The following MGAM2 variants were observed in gnomAD, a reference collection of about 807,000 sequenced individuals.
MGAM2 encodes the protein maltase-glucoamylase 2 (putative), also known as probable maltase-glucoamylase 2.
MGAM2 carries 98 observed loss-of-function variants against 96.1 expected under a neutral mutation model. That is an observed-to-expected ratio of 1.02 (90% CI 0.87 to 1.21). The LOEUF is 1.21. Among genes scored for constraint, MGAM2 ranks in the 50% most tolerant of loss-of-function variants. MGAM2 has a pLI of 0.00. For synonymous variants in MGAM2, 749 were observed against 414.8 expected (o/e 1.81, Z -9.79); for missense variants, 2,055 against 1,182.4 (o/e 1.74, Z -10.82).
intron 23 of MGAM2, 36 bp from the exon 24 acceptor site, chr7:142,164,820 C>T: frequency 1.5e-6 from 1 of 658,778 alleles, no homozygotes; most frequent in Non-Finnish European, 2.7e-6. Flanking sequence ...GTCTGAAGTA[C>T]CTGGTTTCCA....
intron 27 of MGAM2, 115 bp from the exon 28 acceptor site, chr7:142,171,157 G>T: frequency 1.4e-6 from 1 of 694,752 alleles, no homozygotes; most frequent in Non-Finnish European, 2.6e-6. Context: ...TTTGAACCTG[G>T]ATCTAAATGT....
At chr7:142,151,796 A>G (rs780590652) in intron 15 of MGAM2, among the ~76,000 whole-genome samples, 3 of 151,994 alleles carry the variant, frequency 2.0e-5, no homozygotes, top group Non-Finnish European at 4.4e-5. Flanking sequence ...GTGTCTTTCT[A>G]ATTTCTCTGG....
chr7:142,198,142 A>G lies in MGAM2; in HGVS notation c.4870A>G (p.Thr1624Ala), dbSNP rs1273249618. ...ILISPVLETS[T>A]FEISAYFPRA... ...ACATGTCAATTTTATGTTTCAGAGCACATTTGAGATCTCTGCTTATTTTCC... is the reference window on the plus strand; with the variant it reads ...ACATGTCAATTTTATGTTTCAGAGCGCATTTGAGATCTCTGCTTATTTTCC... The change falls in exon 43 of 48, where the codon ACA becomes GCA. Residue 1624 changes from threonine (T) to alanine (A), a missense_variant. Transcript: ENST00000477922. The G allele has an allele frequency of 2.8e-6, 2 of 702,720 alleles. No individual in the cohort carries two copies. Among genetic ancestry groups the G allele is most frequent in the Non-Finnish European group, 5.2e-6 (2 of 384,814 alleles). 43.5% of individuals were successfully genotyped at this position (702,720 alleles called of 1,614,324 possible).
intron 31 of MGAM2, among the ~76,000 whole-genome samples, chr7:142,174,896 T>C (rs1343007099): frequency 6.6e-6 from 1 of 151,878 alleles, no homozygotes; most frequent in Admixed American, 6.6e-5. Context: ...TTTAAATATT[T>C]TTAGTAGGGA....
At position 142,198,718 on chromosome 7, in the gene MGAM2, C is replaced by T. The variant is rs747359455; in HGVS notation, c.5027C>T (p.Pro1676Leu). 17 of 704,124 alleles carry T rather than the reference C, an allele frequency of 2.4e-5. No individual in the cohort carries two copies. Among genetic ancestry groups the T allele is most frequent in the Non-Finnish European group, 3.6e-5 (14 of 384,992 alleles). 43.6% of individuals were successfully genotyped at this position (704,124 alleles called of 1,614,324 possible). A position where few individuals can be genotyped will look rare whatever the true frequency, so the allele number is the denominator to read the frequency against. The change falls in exon 44 of 48, where the codon CCT becomes CTT. Residue 1676 changes from proline to leucine, a missense_variant. Pro to Leu is a moderately conservative substitution (Grantham distance 98). Coordinates refer to ENST00000477922, the MANE Select transcript of MGAM2 (RefSeq NM_001293626.2). ...RGGYILPWQE[P>L]AMNTHSSRQN... ...GGCTACATCCTGCCCTGGCAAGAGC[C>T]TGCTATGAACACTCACTCCAGGTGA...
At chr7:142,129,825 CAAAAAAAAAAAAAAAAAAAAA>C (rs71166564) in intron 3 of MGAM2, among the ~76,000 whole-genome samples, 63 of 33,420 alleles carry the variant, frequency 1.9e-3, no homozygotes, top group South Asian at 3.4e-3. Flanking sequence ...AACTCTGTCT[CAAAAAAAAAAAAAAAAAAAAA>C]AAAAAAAAAA....
chr7:142,195,715 GCTCA>G (rs577843629), intron 37 of MGAM2, among the ~76,000 whole-genome samples: 94 of 152,074 alleles, frequency 6.2e-4, no homozygotes, highest in East Asian at 2.3e-3. Flanking sequence ...ATTTTGTCCA[GCTCA>G]CTATTTTCAG....
chr7:142,209,293 A>G (rs1349632589), intron 46 of MGAM2, among the ~76,000 whole-genome samples: 1 of 152,184 alleles, frequency 6.6e-6, no homozygotes, highest in African/African-American at 2.4e-5. Context: ...GAGTTGACTA[A>G]TTTCCCATTA....
intron 47 of MGAM2, 101 bp from the exon 48 acceptor site, chr7:142,219,769 T>C: frequency 1.6e-6 from 1 of 611,228 alleles, no homozygotes; most frequent in Non-Finnish European, 2.9e-6. Context: ...TGGAAAGGAA[T>C]GAATCCATCA....
chr7:142,126,687 A>G (rs1300865848), intron 3 of MGAM2, among the ~76,000 whole-genome samples: 2 of 151,960 alleles, frequency 1.3e-5, no homozygotes, highest in African/African-American at 4.8e-5. Context: ...CTCATTCTTT[A>G]TATCTGTTGT....
chr7:142,128,607 A>T (rs1314667720), intron 3 of MGAM2, among the ~76,000 whole-genome samples: 1 of 152,186 alleles, frequency 6.6e-6, no homozygotes, highest in Non-Finnish European at 1.5e-5. Context: ...AGCTCCAGAC[A>T]TGGCTAAAAG....
At chr7:142,186,492 G>A (rs1217434588) in intron 35 of MGAM2, among the ~76,000 whole-genome samples, 1 of 152,188 alleles carries the variant, frequency 6.6e-6, no homozygotes, top group Non-Finnish European at 1.5e-5. Flanking sequence ...AGTGGGTGAG[G>A]CATGGAGTTG....
chr7:142,135,885 A>G (rs1306676912), intron 7 of MGAM2, among the ~76,000 whole-genome samples: 1 of 152,160 alleles, frequency 6.6e-6, no homozygotes, highest in Non-Finnish European at 1.5e-5. Flanking sequence ...AAACATTAGA[A>G]AATACAACTA....
At chr7:142,213,205 C>A (rs1585224799) in intron 46 of MGAM2, among the ~76,000 whole-genome samples, 2 of 152,116 alleles carry the variant, frequency 1.3e-5, no homozygotes, top group East Asian at 3.9e-4. Context: ...ACTAAATGCC[C>A]ACAGGAGAAA....
Position 142,115,851 on chromosome 7 carries a change from T to TATAA in MGAM2, c.1-1005_1-1002dup, listed in dbSNP as rs561110016. On this transcript the variant is annotated intron_variant, in intron 1 of 47. Coordinates refer to ENST00000477922, the MANE Select transcript of MGAM2 (RefSeq NM_001293626.2). Reference sequence around the variant, plus strand: ...AAGAGTGAAACTCCATCTCAAAATATATAAATAAATAAATAAATAAAATAA... The same window carrying TATAA: ...AAGAGTGAAACTCCATCTCAAAATATATAAATAAATAAATAAATAAATAAAATAA... Among the ~76,000 whole-genome samples the TATAA allele has an allele frequency of 3.7e-3, 566 of 152,064 alleles. 4 individuals are homozygous for TATAA. The highest frequency in any genetic ancestry group is 0.013 in the African/African-American group (544 of 41,472).
intron 37 of MGAM2, among the ~76,000 whole-genome samples, chr7:142,191,948 A>T (rs375825532): frequency 6.6e-6 from 1 of 152,068 alleles, no homozygotes; most frequent in Non-Finnish European, 1.5e-5. Context: ...ATAAATATTT[A>T]TCTGTCCCTT....
intron 45 of MGAM2, among the ~76,000 whole-genome samples, chr7:142,204,663 C>T (rs1273257262): frequency 6.6e-6 from 1 of 151,988 alleles, no homozygotes; most frequent in Non-Finnish European, 1.5e-5. Context: ...ATTCCTGGCA[C>T]ATGAGTTCTG....
At chr7:142,166,815 C>T (rs1256443055) in intron 25 of MGAM2, among the ~76,000 whole-genome samples, 2 of 152,186 alleles carry the variant, frequency 1.3e-5, no homozygotes, top group Non-Finnish European at 2.9e-5. Flanking sequence ...GTACCACAAA[C>T]TGAGTGGCAT....
intron 1 of MGAM2, among the ~76,000 whole-genome samples, chr7:142,116,354 T>C (rs1817401698): frequency 6.6e-6 from 1 of 152,204 alleles, no homozygotes; most frequent in African/African-American, 2.4e-5. Context: ...AGGATCATTT[T>C]TGTTACCAGA....
Sources: gnomAD v4.1 joint callset for allele counts (sites outside exome capture counted in the v4.1 genomes callset) on GRCh38, gnomAD v4.1.1 for gene constraint, MANE v1.5 for transcripts, NCBI Gene and HGNC (gene_info 2026-07-23, HGNC 2026-07-21) for gene names.